CCNB3: variants seen among roughly 807,000 people sequenced by gnomAD.
CCNB3 encodes cyclin B3.
In CCNB3, 12 loss-of-function variants were observed where a neutral mutation model predicts 68.0. That is an observed-to-expected ratio of 0.18 (90% confidence interval 0.11 to 0.29). The LOEUF is 0.29. Among genes scored for constraint, CCNB3 ranks in the 10% least tolerant of loss-of-function variants. The pLI is 1.00. For missense variants in CCNB3, 904 were observed against 993.1 expected (o/e 0.91, Z 1.21); for synonymous variants, 354 against 388.9 (o/e 0.91, Z 1.06).
chrX:50,281,768 AT>A (rs780811757), intron 1 of CCNB3, among the ~76,000 whole-genome samples: 2 of 111,616 alleles, frequency 1.8e-5, no homozygotes, highest in Non-Finnish European at 3.8e-5. Flanking sequence ...TGCAGGATTA[AT>A]TTCATCTACA....
intron 8 of CCNB3, among the ~76,000 whole-genome samples, chrX:50,316,477 C>A (rs1921732161): frequency 8.9e-6 from 1 of 111,809 alleles, no homozygotes; most frequent in African/African-American, 3.3e-5. Context: ...TTTTATTTCT[C>A]TGGGATTAAT....
intron 8 of CCNB3, among the ~76,000 whole-genome samples, chrX:50,332,378 A>AT (rs1229144839): frequency 3.6e-5 from 4 of 111,858 alleles, no homozygotes; most frequent in Non-Finnish European, 7.5e-5. Context: ...CATAGTAACT[A>AT]TAGAACAGAA....
chrX:50,208,893 T>A (rs114028026), intron 1 of CCNB3, among the ~76,000 whole-genome samples: 1 of 112,009 alleles, frequency 8.9e-6, no homozygotes, highest in African/African-American at 3.3e-5. Flanking sequence ...TGGGGAATTT[T>A]AAAATTAATA....
At chrX:50,307,134 A>G (rs1268280900) in intron 5 of CCNB3, among the ~76,000 whole-genome samples, 2 of 111,801 alleles carry the variant, frequency 1.8e-5, no homozygotes, top group Admixed American at 9.5e-5. Flanking sequence ...ATCTTGTTAT[A>G]GGTCTATTCA....
intron 4 of CCNB3, among the ~76,000 whole-genome samples, chrX:50,289,761 A>G (rs1936316302): frequency 9.0e-6 from 1 of 111,730 alleles, no homozygotes; most frequent in African/African-American, 3.3e-5. Context: ...CTGGTGAACT[A>G]TTCTTGCCCT....
chrX:50,299,139 C>T (rs781991064), intron 5 of CCNB3, among the ~76,000 whole-genome samples: 6 of 111,608 alleles, frequency 5.4e-5, no homozygotes, highest in Non-Finnish European at 1.1e-4. Flanking sequence ...GCCTTCATTT[C>T]TGCTCTGATC....
chrX:50,309,373 G>A lies in CCNB3; in HGVS notation c.1204G>A (p.Val402Ile). The change falls in exon 6 of 13, where the codon GTA becomes ATA. Residue 402 changes from valine (V) to isoleucine (I), a missense_variant. Around this residue, in one of 2 missense-constraint regions of CCNB3, gnomAD observed 619 missense variants for 609.8 expected, o/e 1.02. Coordinates refer to ENST00000376042, the MANE Select transcript of CCNB3 (RefSeq NM_033031.3). ...GAAGAGGTCCCGTCTGAAGCCATTAGTATTGCAGGAGATCACCTCTGGAGA... is the reference window on the plus strand; with the variant it reads ...GAAGAGGTCCCGTCTGAAGCCATTAATATTGCAGGAGATCACCTCTGGAGA... ...EGKRSRLKPL[V>I]LQEITSGEKS... 5 of 1,211,718 alleles carry A rather than the reference G, an allele frequency of 4.1e-6. No homozygotes were observed. Among genetic ancestry groups the A allele is most frequent in the Non-Finnish European group, 5.6e-6 (5 of 895,489 alleles).
At chrX:50,296,122 T>A (rs1557210853) in intron 5 of CCNB3, among the ~76,000 whole-genome samples, 1 of 111,291 alleles carries the variant, frequency 9.0e-6, no homozygotes, top group African/African-American at 3.3e-5. Context: ...TTATGTTTCT[T>A]TGTTTTTTTA....
intron 5 of CCNB3, among the ~76,000 whole-genome samples, chrX:50,295,298 G>A (rs782295561): frequency 4.5e-5 from 5 of 111,702 alleles, no homozygotes; most frequent in East Asian, 2.8e-4. Flanking sequence ...GTGCTTTATA[G>A]TGTGGAGACA....
chrX:50,351,570 CT>C lies in CCNB3; in HGVS notation c.4092-36del, dbSNP rs781821231. ...TCCATAGAGCATGATTGTATTTGCC[CT>C]ATTCTATGCTGAGGAGACCCCTCTT... is the stretch of plus-strand genomic sequence containing the variant. On this transcript the variant is annotated intron_variant, in intron 12 of 12. Transcript: ENST00000376042. The C allele has an allele frequency of 1.1e-5, 13 of 1,139,448 alleles. No individual in the cohort carries two copies. The South Asian group carries it at 2.4e-4, about 21-fold the overall frequency. The allele number at this position is 1,139,448 out of a possible 1,213,427, so 93.9% of individuals were successfully genotyped here. A position where few individuals can be genotyped will look rare whatever the true frequency, so the allele number is the denominator to read the frequency against.
intron 3 of CCNB3, among the ~76,000 whole-genome samples, chrX:50,285,622 A>G (rs1936220848): frequency 8.9e-6 from 1 of 111,738 alleles, no homozygotes; most frequent in South Asian, 3.8e-4. Context: ...ATCAGCACAT[A>G]TATTATTATG....
intron 8 of CCNB3, among the ~76,000 whole-genome samples, chrX:50,339,022 CTG>C (rs782010730): frequency 9.1e-4 from 102 of 112,548 alleles, no homozygotes; most frequent in African/African-American, 3.2e-3. Flanking sequence ...TACCAATTTT[CTG>C]TGTTAGGCAA....
At chrX:50,279,602 G>A (rs1194076705) in intron 1 of CCNB3, among the ~76,000 whole-genome samples, 5,337 of 86,031 alleles carry the variant, frequency 0.062, 477 homozygotes, top group African/African-American at 0.22. Context: ...ATATGTAAAT[G>A]TATATGCATA....
intron 1 of CCNB3, among the ~76,000 whole-genome samples, chrX:50,280,034 A>T (rs1408830185): frequency 3.7e-5 from 3 of 81,392 alleles, no homozygotes; most frequent in Non-Finnish European, 6.7e-5. Flanking sequence ...ATATATAAAT[A>T]TATAGACAGA....
chrX:50,306,628 G>A (rs1292499746), intron 5 of CCNB3, among the ~76,000 whole-genome samples: 1 of 111,722 alleles, frequency 9.0e-6, no homozygotes, highest in Non-Finnish European at 1.9e-5. Flanking sequence ...CCTTTATCAG[G>A]TTGAGGAACC....
chrX:50,297,694 G>A (rs1258297022), intron 5 of CCNB3, among the ~76,000 whole-genome samples: 1 of 111,585 alleles, frequency 9.0e-6, no homozygotes, highest in African/African-American at 3.3e-5. Flanking sequence ...TGATGGGGAT[G>A]GCATTGAATC....
chrX:50,288,664 T>C (rs1389283689), intron 3 of CCNB3, 116 bp from the exon 4 acceptor site: 2 of 459,811 alleles, frequency 4.3e-6, no homozygotes, highest in Non-Finnish European at 7.7e-6. Context: ...GTTTATTATA[T>C]GCATCCTCAG....
At chrX:50,285,355 C>G in intron 3 of CCNB3, 96 bp downstream of exon 3, 1 of 651,345 alleles carries the variant, frequency 1.5e-6, no homozygotes, top group Non-Finnish European at 2.4e-6. Flanking sequence ...TGAAATATGT[C>G]TGGTTTAACC....
At chrX:50,279,298 A>G (rs1197553207) in intron 1 of CCNB3, among the ~76,000 whole-genome samples, 1 of 71,881 alleles carries the variant, frequency 1.4e-5, no homozygotes, top group Admixed American at 2.1e-4. Context: ...ATAAATATAT[A>G]TGAATATTTA....
Sources: allele counts gnomAD v4.1 joint callset (sites outside exome capture counted in the v4.1 genomes callset), GRCh38; gene constraint gnomAD v4.1.1; regional missense constraint gnomAD v4.1.1; transcripts MANE v1.5; gene names NCBI Gene and HGNC (gene_info 2026-07-23, HGNC 2026-07-21).